Variants in FOXR1 observed in about 807,000 individuals in gnomAD.
The protein encoded by FOXR1 is forkhead box protein R1.
A neutral mutation model predicts 34.5 loss-of-function variants in FOXR1; 25 were observed. The ratio of observed to expected loss-of-function variants is 0.72; its 90% CI spans 0.53 to 1.01. The LOEUF (loss-of-function observed/expected upper bound fraction) is 1.01. FOXR1 is among the 50% of genes least tolerant of loss of function. The probability of loss-of-function intolerance (pLI) is 0.00; values close to 1 mark genes in which losing one functional copy is unlikely to be tolerated. For synonymous variants in FOXR1, 153 were observed against 141.6 expected, an observed-to-expected ratio of 1.08 and a Z score of -0.57; for missense variants, 373 against 376.2, an observed-to-expected ratio of 0.99 and a Z score of 0.07.
chr11:118,974,385 G>T (rs1941753460), intron 1 of FOXR1, among the ~76,000 whole-genome samples: 1 of 152,248 alleles, frequency 6.6e-6, no homozygotes, highest in East Asian at 1.9e-4. Context: ...TTTACTATTT[G>T]TAGAGATGGG....
chr11:118,978,558 T>C (rs1941806168), intron 1 of FOXR1, among the ~76,000 whole-genome samples: 1 of 151,914 alleles, frequency 6.6e-6, no homozygotes, highest in African/African-American at 2.4e-5. Flanking sequence ...CGGACATGCA[T>C]GAGATCATTC....
intron 1 of FOXR1, among the ~76,000 whole-genome samples, chr11:118,975,412 T>G (rs1941767865): frequency 6.6e-6 from 1 of 151,624 alleles, no homozygotes; most frequent in East Asian, 1.9e-4. Context: ...TTTTTCTTTT[T>G]CTTTCTTCTT....
Position 118,978,771 on chromosome 11 carries a change from C to G in FOXR1, c.62-11C>G. ...GGATGTTTTGACTCTCTCTGTCTTT[C>G]TTTTTGCCAGTTGCCAGGTATAAAC... On this transcript the variant is annotated splice_polypyrimidine_tract_variant and intron_variant, in intron 1 of 5. Transcript: ENST00000317011. The G allele has an allele frequency of 6.2e-7, 1 of 1,614,104 alleles. No homozygotes were observed. The highest frequency in any genetic ancestry group is 8.5e-7 in the Non-Finnish European group (1 of 1,179,956).
chr11:118,975,473 A>G lies in FOXR1; in HGVS notation c.62-3309A>G, dbSNP rs1170631480. Among the ~76,000 whole-genome samples the G allele has an allele frequency of 4.1e-5, 6 of 146,696 alleles. No homozygotes were observed. The Middle Eastern group carries it at 0.021, about 517-fold the overall frequency. ...CTATCTGGTGCCCAGGCTGGACTGC[A>G]GTGGCACCAGCACAGCTCACTGCAG... On this transcript the variant is annotated intron_variant, in intron 1 of 5. Coordinates refer to ENST00000317011, the MANE Select transcript of FOXR1 (RefSeq NM_181721.3).
intron 5 of FOXR1, 29 bp downstream of exon 5, chr11:118,980,757 A>T (rs529674935): frequency 1.9e-6 from 3 of 1,592,100 alleles, no homozygotes; most frequent in Admixed American, 1.7e-5. Flanking sequence ...CGTGGGCCCA[A>T]GGGGAAGAGA....
At chr11:118,978,737 G>A in intron 1 of FOXR1, 45 bp from the exon 2 acceptor site, 23 of 1,603,574 alleles carry the variant, frequency 1.4e-5, no homozygotes, top group Non-Finnish European at 1.7e-5. Flanking sequence ...GTCACAAAGG[G>A]ATATTCTAGG....
Position 118,971,849 on chromosome 11 carries a change from C to T in FOXR1, c.-83C>T. On this transcript the variant is annotated 5_prime_UTR_variant, in exon 1 of 6. Transcript: ENST00000317011. ...CTCCGCGCCGCCGCGCCTCTGCCAG[C>T]CCCGAAGGTGGACGTGAAGCTCCAA... is the stretch of plus-strand genomic sequence containing the variant. The T allele has an allele frequency of 1.4e-6, 2 of 1,469,474 alleles. No homozygotes were observed. The highest frequency in any genetic ancestry group is 1.9e-6 in the Non-Finnish European group (2 of 1,075,882). 91.0% of individuals were successfully genotyped at this position (1,469,474 alleles called of 1,614,324 possible). A position where few individuals can be genotyped will look rare whatever the true frequency, so the allele number is the denominator to read the frequency against.
chr11:118,973,030 CT>C (rs1359466963), intron 1 of FOXR1, among the ~76,000 whole-genome samples: 1 of 152,104 alleles, frequency 6.6e-6, no homozygotes, highest in Non-Finnish European at 1.5e-5. Context: ...AAATTCAGAC[CT>C]GATTCATTAT....
chr11:118,976,846 CCATT>C (rs750631735), intron 1 of FOXR1, among the ~76,000 whole-genome samples: 41 of 152,106 alleles, frequency 2.7e-4, no homozygotes, highest in Non-Finnish European at 4.9e-4. Flanking sequence ...ATCTCGTTAG[CCATT>C]CAGTTATCCC....
chr11:118,975,038 G>C (rs2134480615), intron 1 of FOXR1, among the ~76,000 whole-genome samples: 1 of 152,210 alleles, frequency 6.6e-6, no homozygotes, highest in South Asian at 2.1e-4. Flanking sequence ...TGTAAATTTT[G>C]GGTCTTTTGG....
intron 3 of FOXR1, 116 bp from the exon 4 acceptor site, chr11:118,979,326 T>C: frequency 5.4e-6 from 8 of 1,491,840 alleles, no homozygotes; most frequent in Admixed American, 4.8e-5. Context: ...ATTACCTACA[T>C]GCTTGGGTTG....
rs151199312 is a variant in FOXR1, at chr11:118,979,561, G to A, written c.504G>A (p.Gly168=). ...RRLRQASSQA[G]RLWSRPPLNY... is the part of the protein sequence containing the mutation. ...TTCGGCAAGCCAGCAGCCAGGCGGG[G>A]AGGCTCTGGTCCCGGCCCCCTCTCA... Residue 168 remains glycine, a synonymous_variant, in exon 4 of 6, where the codon GGG becomes GGA. Coordinates refer to ENST00000317011, the MANE Select transcript of FOXR1 (RefSeq NM_181721.3). The A allele has an allele frequency of 1.9e-3, 3,010 of 1,613,498 alleles. 56 individuals carry two copies. In the South Asian group the frequency reaches 0.024, roughly 13 times the overall value.
Position 118,979,609 on chromosome 11 carries a change from G to A in FOXR1, c.552G>A (p.Leu184=), listed in dbSNP as rs367544680. ...TCAATTACTTCCACCTAATTGCCCT[G>A]GCATTAAGAAACAGTTCCCCCTGTG... ...PPLNYFHLIA[L]ALRNSSPCGL... The change falls in exon 4 of 6, where the codon CTG becomes CTA. Residue 184 remains leucine, a synonymous_variant. Coordinates refer to ENST00000317011, the MANE Select transcript of FOXR1 (RefSeq NM_181721.3). 5 of 1,612,390 alleles carry A rather than the reference G, an allele frequency of 3.1e-6. No homozygotes were observed. The African/African-American group carries it at 6.7e-5, about 22-fold the overall frequency.
In FOXR1 at chr11:118,980,536, A is replaced by G; in HGVS notation, c.658A>G (p.Thr220Ala). The G allele has an allele frequency of 6.2e-7, 1 of 1,614,208 alleles. No individual in the cohort carries two copies. Among genetic ancestry groups the G allele is most frequent in the Non-Finnish European group, 8.5e-7 (1 of 1,180,028 alleles). ...FRTAPEGWKN[T>A]VRHNLCFRDS... ...GACGGCCCCGGAAGGCTGGAAGAAT[A>G]CTGTCCGTCACAATCTCTGTTTTCG... The change falls in exon 5 of 6, where the codon ACT becomes GCT. Residue 220 changes from threonine (T) to alanine (A), a missense_variant. Coordinates refer to ENST00000317011, the MANE Select transcript of FOXR1 (RefSeq NM_181721.3).
chr11:118,976,657 G>C (rs1203016773), intron 1 of FOXR1, among the ~76,000 whole-genome samples: 1 of 152,210 alleles, frequency 6.6e-6, no homozygotes, highest in East Asian at 1.9e-4. Context: ...CGAGTAAATT[G>C]TGGTCCTGCC....
At position 118,979,806 on chromosome 11, in the gene FOXR1, C is replaced by G. The variant is rs982887424; in HGVS notation, c.611+138C>G. On this transcript the variant is annotated intron_variant, in intron 4 of 5. Coordinates refer to ENST00000317011, the MANE Select transcript of FOXR1 (RefSeq NM_181721.3). ...TGAGAGGACAAGTATGTTCCCAGTT[C>G]CCTTTTCCCAGGTGCATTTGTGCCC... is the stretch of plus-strand genomic sequence containing the variant. The G allele has an allele frequency of 6.9e-6, 5 of 729,384 alleles. No homozygotes were observed. In the African/African-American group the frequency reaches 7.2e-5, roughly 11 times the overall value. The allele number at this position is 729,384 out of a possible 1,614,324, so 45.2% of individuals were successfully genotyped here.
At chr11:118,980,789 C>A in intron 5 of FOXR1, 61 bp downstream of exon 5, 1 of 1,507,550 alleles carries the variant, frequency 6.6e-7, no homozygotes, top group Non-Finnish European at 9.0e-7. Flanking sequence ...TGACCCAAGG[C>A]CAAGTGTGGA....
Position 118,979,438 on chromosome 11 carries a change from C to G in FOXR1, c.385-4C>G, listed in dbSNP as rs1325930506. 2 of 1,603,552 alleles carry G rather than the reference C, an allele frequency of 1.2e-6. No homozygotes were observed. Among genetic ancestry groups the G allele is most frequent in the African/African-American group, 2.7e-5 (2 of 74,578 alleles). On this transcript the variant is annotated splice_polypyrimidine_tract_variant and splice_region_variant and intron_variant, in intron 3 of 5. Coordinates refer to ENST00000317011, the MANE Select transcript of FOXR1 (RefSeq NM_181721.3). ...GGACCAGTTCCTACTCTGTGCTCCT[C>G]TAGCTCACAGAAGAGGAGGAGGCTG... is the stretch of plus-strand genomic sequence containing the variant.
At position 118,976,289 on chromosome 11, in the gene FOXR1, C is replaced by A. The variant is rs1941779594; in HGVS notation, c.62-2493C>A. Among the ~76,000 whole-genome samples the A allele has an allele frequency of 2.0e-5, 3 of 152,212 alleles. No homozygotes were observed. In the South Asian group the frequency reaches 6.2e-4, roughly 32 times the overall value. ...TGGCTCACTGCAACCTCCCTTTTCCCGCTCAAGCCATCCTCCCACTTCAGC... is the reference window on the plus strand; with the variant it reads ...TGGCTCACTGCAACCTCCCTTTTCCAGCTCAAGCCATCCTCCCACTTCAGC... On this transcript the variant is annotated intron_variant, in intron 1 of 5. Coordinates refer to ENST00000317011, the MANE Select transcript of FOXR1 (RefSeq NM_181721.3).
Sources: allele counts gnomAD v4.1 joint callset (sites outside exome capture counted in the v4.1 genomes callset), GRCh38; gene constraint gnomAD v4.1.1; transcripts MANE v1.5; gene names NCBI Gene and HGNC (gene_info 2026-07-23, HGNC 2026-07-21).